ZFAT: variants seen among roughly 807,000 people sequenced by gnomAD.
ZFAT encodes zinc finger and AT-hook domain containing.
Under a neutral mutation model 117.7 loss-of-function variants are expected in ZFAT, and 64 were observed. The ratio of observed to expected loss-of-function variants is 0.54; its 90% CI spans 0.44 to 0.67. The LOEUF (loss-of-function observed/expected upper bound fraction) is 0.67, where lower values mean the gene tolerates loss of function less well. Among genes scored for constraint, ZFAT ranks in the 30% least tolerant of loss-of-function variants. The pLI is 0.00. For missense variants in ZFAT, 1,433 were observed against 1,584.5 expected (o/e 0.90, Z 1.62); for synonymous variants, 679 against 615.0 (o/e 1.10, Z -1.54).
intron 1 of ZFAT, among the ~76,000 whole-genome samples, chr8:134,691,782 CA>C (rs1833600420): frequency 6.6e-6 from 1 of 152,194 alleles, no homozygotes. Context: ...TTGTAAGCTC[CA>C]AAATCATCAA....
chr8:134,661,664 G>C (rs1435138805), intron 1 of ZFAT, among the ~76,000 whole-genome samples: 6 of 152,226 alleles, frequency 3.9e-5, no homozygotes, highest in East Asian at 3.8e-4. Context: ...CCAGGGATGA[G>C]AGCAGAGATG....
At chr8:134,731,963 A>T in the ZFAT span, among the ~76,000 whole-genome samples, 1 of 152,200 alleles carries the variant, frequency 6.6e-6, no homozygotes. Flanking sequence ...AGGGGCCCAG[A>T]GTGGGTACAA....
chr8:134,491,509 G>A (rs1050776912), intron 15 of ZFAT, among the ~76,000 whole-genome samples: 1 of 152,102 alleles, frequency 6.6e-6, no homozygotes, highest in African/African-American at 2.4e-5. Context: ...GTTTGAAATG[G>A]GTCTCACTGA....
chr8:134,738,244 T>C, the ZFAT span, among the ~76,000 whole-genome samples: 3 of 152,090 alleles, frequency 2.0e-5, no homozygotes, highest in Non-Finnish European at 4.4e-5. Context: ...CCACCTAGCC[T>C]CCTCTCTCAA....
chr8:134,737,059 T>A, the ZFAT span, among the ~76,000 whole-genome samples: 1 of 152,150 alleles, frequency 6.6e-6, no homozygotes, highest in Non-Finnish European at 1.5e-5. Flanking sequence ...GGCGGGCAGA[T>A]CACCTGAGGT....
At chr8:134,743,445 C>T in the ZFAT span, among the ~76,000 whole-genome samples, 1 of 152,108 alleles carries the variant, frequency 6.6e-6, no homozygotes, top group South Asian at 2.1e-4. Flanking sequence ...GCTGAGATCA[C>T]ACCATTGCAC....
chr8:134,746,433 T>C, the ZFAT span, among the ~76,000 whole-genome samples: 4 of 152,224 alleles, frequency 2.6e-5, no homozygotes, highest in Admixed American at 2.0e-4. Context: ...TATGGCTGTG[T>C]TAATGTACCC....
At chr8:134,740,947 G>A in the ZFAT span, among the ~76,000 whole-genome samples, 2 of 152,186 alleles carry the variant, frequency 1.3e-5, no homozygotes, top group African/African-American at 2.4e-5. Flanking sequence ...TTTGAGAGCA[G>A]GTAGGAAAGT....
the ZFAT span, among the ~76,000 whole-genome samples, chr8:134,791,389 A>C: frequency 2.6e-5 from 4 of 152,132 alleles, no homozygotes. Flanking sequence ...CTTGCTGTTA[A>C]AGTCTCAGGG....
At chr8:134,817,394 TACACAC>T in the ZFAT span, among the ~76,000 whole-genome samples, 1,035 of 126,018 alleles carry the variant, frequency 8.2e-3, 10 homozygotes, top group East Asian at 0.034. Context: ...TCTCTCTCTC[TACACAC>T]ACACACACAC....
chr8:134,562,253 A>G (rs1473789741), intron 11 of ZFAT, among the ~76,000 whole-genome samples: 1 of 152,212 alleles, frequency 6.6e-6, no homozygotes, highest in African/African-American at 2.4e-5. Flanking sequence ...ACCTCTAGAA[A>G]AAATGCAGCC....
intron 11 of ZFAT, among the ~76,000 whole-genome samples, chr8:134,553,044 G>T (rs1483671931): frequency 1.3e-5 from 2 of 152,238 alleles, no homozygotes; most frequent in East Asian, 3.8e-4. Context: ...TAGTGATGAG[G>T]AAAGAATGGT....
intron 12 of ZFAT, among the ~76,000 whole-genome samples, chr8:134,529,373 G>C (rs192836700): frequency 6.6e-6 from 1 of 152,320 alleles, no homozygotes; most frequent in East Asian, 1.9e-4. Flanking sequence ...ATTTTAAGGG[G>C]AGGAAAGGGG....
chr8:134,793,711 G>A, the ZFAT span: 2 of 148,660 alleles, frequency 1.3e-5, no homozygotes, highest in African/African-American at 5.1e-5. Flanking sequence ...ACAGGCCACA[G>A]ACCAGTACCA....
chr8:134,540,914 T>C (rs905894408), intron 11 of ZFAT, among the ~76,000 whole-genome samples: 1 of 152,142 alleles, frequency 6.6e-6, no homozygotes, highest in East Asian at 1.9e-4. Context: ...TTTCCTGTAG[T>C]TTGGGGTCAT....
intron 2 of ZFAT, among the ~76,000 whole-genome samples, chr8:134,654,652 G>A (rs1384612795): frequency 6.6e-6 from 1 of 152,212 alleles, no homozygotes; most frequent in African/African-American, 2.4e-5. Context: ...GCTTTGGGTG[G>A]CAAAAGCCAC....
At chr8:134,483,628 A>T (rs571316671) in intron 15 of ZFAT, among the ~76,000 whole-genome samples, 1 of 152,308 alleles carries the variant, frequency 6.6e-6, no homozygotes, top group Admixed American at 6.5e-5. Flanking sequence ...CATTTTCCCC[A>T]AATGCCGTAT....
At chr8:134,687,652 G>C (rs1041570197) in intron 1 of ZFAT, among the ~76,000 whole-genome samples, 1 of 152,068 alleles carries the variant, frequency 6.6e-6, no homozygotes, top group African/African-American at 2.4e-5. Flanking sequence ...GGACACGACA[G>C]CTCCCCATTT....
intron 15 of ZFAT, among the ~76,000 whole-genome samples, chr8:134,487,867 C>T (rs527723824): frequency 5.3e-5 from 8 of 152,248 alleles, no homozygotes; most frequent in Non-Finnish European, 7.3e-5. Context: ...GTCATGCTCT[C>T]CCTCGCCTTC....
Sources: gnomAD v4.1 joint callset for allele counts (sites outside exome capture counted in the v4.1 genomes callset) on GRCh38, gnomAD v4.1.1 for gene constraint, MANE v1.5 for transcripts, NCBI Gene and HGNC (gene_info 2026-07-23, HGNC 2026-07-21) for gene names.